ANO3: variants seen among roughly 807,000 people sequenced by gnomAD.
ANO3 encodes the protein anoctamin-3.
ANO3 carries 99 observed loss-of-function variants against 144.8 expected under a neutral mutation model. That is an observed-to-expected ratio of 0.68 (90% CI 0.58 to 0.81). The LOEUF is 0.81. ANO3 is among the 30% of genes least tolerant of loss of function. The pLI is 0.00. For synonymous variants in ANO3, 414 were observed against 392.6 expected (o/e 1.05, Z -0.64); for missense variants, 905 against 1,202.2 (o/e 0.75, Z 3.66).
intron 1 of ANO3, among the ~76,000 whole-genome samples, chr11:26,438,909 G>T (rs889415292): frequency 3.3e-5 from 5 of 151,984 alleles, no homozygotes; most frequent in African/African-American, 9.7e-5. Flanking sequence ...CAAAAGTAAA[G>T]AACTCAGATT....
intron 1 of ANO3, among the ~76,000 whole-genome samples, chr11:26,430,533 T>A (rs1858056212): frequency 6.6e-6 from 1 of 151,950 alleles, no homozygotes; most frequent in African/African-American, 2.4e-5. Flanking sequence ...ATACTTGACA[T>A]CAATAAAAAT....
At chr11:26,515,620 A>T (rs1039326854) in intron 5 of ANO3, among the ~76,000 whole-genome samples, 1 of 151,992 alleles carries the variant, frequency 6.6e-6, no homozygotes, top group Non-Finnish European at 1.5e-5. Context: ...GCATATGAAA[A>T]TGTTATAGTT....
chr11:26,439,525 G>T (rs1003107397), intron 1 of ANO3, among the ~76,000 whole-genome samples: 11 of 152,278 alleles, frequency 7.2e-5, no homozygotes, highest in African/African-American at 2.6e-4. Context: ...TAATAAAAGC[G>T]TTTTAAAGCC....
At chr11:26,621,981 G>A (rs1226318145) in intron 17 of ANO3, among the ~76,000 whole-genome samples, 1 of 152,104 alleles carries the variant, frequency 6.6e-6, no homozygotes, top group African/African-American at 2.4e-5. Flanking sequence ...CTCACAGCTT[G>A]TATGTACTGC....
intron 14 of ANO3, among the ~76,000 whole-genome samples, chr11:26,594,308 A>G: frequency 6.6e-6 from 1 of 152,154 alleles, no homozygotes; most frequent in Non-Finnish European, 1.5e-5. Flanking sequence ...CTCTGTTGTC[A>G]TCCTATCATT....
At chr11:26,512,233 G>C (rs917351882) in intron 5 of ANO3, among the ~76,000 whole-genome samples, 5 of 152,144 alleles carry the variant, frequency 3.3e-5, no homozygotes, top group Non-Finnish European at 5.9e-5. Flanking sequence ...AATTTGCAGA[G>C]TGACTTTGTA....
upstream of ANO3, among the ~76,000 whole-genome samples, chr11:26,306,649 G>A (rs972261978): frequency 3.3e-5 from 5 of 152,056 alleles, no homozygotes; most frequent in African/African-American, 1.2e-4. Context: ...GGATGACAGA[G>A]TGAGATCCTG....
At chr11:26,577,263 T>TA in intron 14 of ANO3, among the ~76,000 whole-genome samples, 1 of 152,192 alleles carries the variant, frequency 6.6e-6, no homozygotes, top group East Asian at 1.9e-4. Context: ...AGATTTTTTT[T>TA]AAAAAAGAGA....
rs931088966 is a variant in ANO3, at chr11:26,366,871, G to C, written c.46+34550G>C. 1.4e-4 allele frequency among the ~76,000 whole-genome samples: 22 copies of C among 151,958 alleles called. No individual in the cohort carries two copies. In the South Asian group the frequency reaches 2.3e-3, roughly 16 times the overall value. On this transcript the variant is annotated intron_variant, in intron 1 of 26. Coordinates refer to ENST00000256737, the MANE Select transcript of ANO3 (RefSeq NM_031418.4). ...TTGTTTGAGTTCTTTGTAGATTCTGGATATTAGCCCTTTGTCAGATGAGTA... is the reference window on the plus strand; with the variant it reads ...TTGTTTGAGTTCTTTGTAGATTCTGCATATTAGCCCTTTGTCAGATGAGTA...
At chr11:26,367,472 T>C (rs1856124837) in intron 1 of ANO3, among the ~76,000 whole-genome samples, 1 of 152,026 alleles carries the variant, frequency 6.6e-6, no homozygotes, top group African/African-American at 2.4e-5. Flanking sequence ...AACTATTTAA[T>C]CACCCTCCGA....
intron 23 of ANO3, among the ~76,000 whole-genome samples, chr11:26,647,444 T>C (rs1250429204): frequency 6.6e-6 from 1 of 152,222 alleles, no homozygotes; most frequent in Non-Finnish European, 1.5e-5. Context: ...TGTGCACCTG[T>C]GCCATGTCTC....
intron 17 of ANO3, among the ~76,000 whole-genome samples, chr11:26,606,243 G>A (rs894671726): frequency 6.6e-6 from 1 of 152,168 alleles, no homozygotes; most frequent in Non-Finnish European, 1.5e-5. Context: ...GGTTTTGAGC[G>A]AGTATCCTAA....
At chr11:26,293,216 C>T (rs886150459) in intron 1 of ANO3, among the ~76,000 whole-genome samples, 7 of 151,904 alleles carry the variant, frequency 4.6e-5, no homozygotes, top group Non-Finnish European at 8.8e-5. Context: ...TGAGTTTCTG[C>T]CTCATATCCT....
At chr11:26,194,442 G>GTGTGTGTGTGTGTGTGTGTGTA (rs1554920706) in intron 1 of ANO3, among the ~76,000 whole-genome samples, 2 of 51,278 alleles carry the variant, frequency 3.9e-5, no homozygotes, top group East Asian at 8.6e-4. Context: ...ACATAGTGGT[G>GTGTGTGTGTGTGTGTGTGTGTA]TGTGTGTGTG....
chr11:26,466,417 A>G (rs1356920688), intron 4 of ANO3, among the ~76,000 whole-genome samples: 1 of 152,006 alleles, frequency 6.6e-6, no homozygotes, highest in Non-Finnish European at 1.5e-5. Context: ...ATCAAGAGAT[A>G]GAGTCTATTG....
chr11:26,479,042 A>T (rs2131698), intron 4 of ANO3, among the ~76,000 whole-genome samples: 21,667 of 152,202 alleles, frequency 0.14, 1,838 homozygotes, highest in South Asian at 0.32. Context: ...CAGAGAAAAA[A>T]GCAAAAACAA....
intron 14 of ANO3, among the ~76,000 whole-genome samples, chr11:26,589,582 C>T (rs1851386215): frequency 6.6e-6 from 1 of 152,088 alleles, no homozygotes; most frequent in Admixed American, 6.5e-5. Flanking sequence ...TCCCTGTTAA[C>T]AGTCACTCCC....
rs150717842 is a variant in ANO3, at chr11:26,233,980, A to C, written c.154+44650A>C. ...AAGGGGAGGGAGAGCATTAGGACAA[A>C]TGCCTAATGTATGCGGGGGGCTGAA... On this transcript the variant is annotated intron_variant, in intron 1 of 27. Coordinates refer to the ANO3 transcript ENST00000672621. Among the ~76,000 whole-genome samples the C allele has an allele frequency of 6.9e-3, 969 of 140,586 alleles. 10 individuals carry two copies. Among genetic ancestry groups the C allele is most frequent in the African/African-American group, 0.023 (914 of 40,426 alleles). The allele number at this position is 140,586 out of a possible 152,430, so 92.2% of individuals were successfully genotyped here. A position where few individuals can be genotyped will look rare whatever the true frequency, so the allele number is the denominator to read the frequency against.
intron 1 of ANO3, among the ~76,000 whole-genome samples, chr11:26,378,118 A>C (rs948608363): frequency 1.3e-5 from 2 of 152,010 alleles, no homozygotes; most frequent in African/African-American, 4.8e-5. Flanking sequence ...GCAAAATAGA[A>C]TGCAGAATAA....
Sources: gnomAD v4.1 joint callset for allele counts (sites outside exome capture counted in the v4.1 genomes callset) on GRCh38, gnomAD v4.1.1 for gene constraint, MANE v1.5 for transcripts, NCBI Gene and HGNC (gene_info 2026-07-23, HGNC 2026-07-21) for gene names.